The following LGR4 variants were observed in gnomAD, a reference collection of about 807,000 sequenced individuals.
LGR4 encodes leucine-rich repeat-containing G protein-coupled receptor 4.
LGR4 carries 44 observed loss-of-function variants against 84.8 expected under a neutral mutation model. The observed-to-expected ratio is 0.52, with a 90% CI of 0.41 to 0.67. The LOEUF (loss-of-function observed/expected upper bound fraction) is 0.67, where lower values mean the gene tolerates loss of function less well. Among genes scored for constraint, LGR4 ranks in the 30% least tolerant of loss-of-function variants. The probability of loss-of-function intolerance (pLI) is 0.00; values close to 1 mark genes in which losing one functional copy is unlikely to be tolerated. For missense variants in LGR4, 1,032 were observed against 1,131.4 expected, an observed-to-expected ratio of 0.91 and a Z score of 1.26; for synonymous variants, 429 against 434.3, an observed-to-expected ratio of 0.99 and a Z score of 0.15.
intron 1 of LGR4, among the ~76,000 whole-genome samples, chr11:27,438,192 T>G (rs976517585): frequency 6.6e-6 from 1 of 152,192 alleles, no homozygotes; most frequent in Non-Finnish European, 1.5e-5. Context: ...TTTCTCCCAA[T>G]ACAAACTGAT....
chr11:27,382,876 G>A (rs1375045979), intron 6 of LGR4, among the ~76,000 whole-genome samples: 1 of 152,124 alleles, frequency 6.6e-6, no homozygotes, highest in Non-Finnish European at 1.5e-5. Context: ...AATTAGCAGG[G>A]CATGGTGGCA....
chr11:27,472,113 C>A lies in LGR4; in HGVS notation c.185+5G>T. On this transcript the variant is annotated splice_donor_5th_base_variant and intron_variant, in intron 1 of 17. Transcript: ENST00000379214. ...CCCCCTCGCGTCCCCGCCGCCCGCA[C>A]TCACAGCGCTTGGGTGAAGGCGCTG... 3 of 1,287,246 alleles carry A rather than the reference C, an allele frequency of 2.3e-6. No individual in the cohort carries two copies. The highest frequency in any genetic ancestry group is 3.0e-6 in the Non-Finnish European group (3 of 1,013,888). The allele number at this position is 1,287,246 out of a possible 1,614,324, so 79.7% of individuals were successfully genotyped here. A position where few individuals can be genotyped will look rare whatever the true frequency, so the allele number is the denominator to read the frequency against.
chr11:27,434,455 T>C (rs1046867330), intron 1 of LGR4, among the ~76,000 whole-genome samples: 1 of 152,234 alleles, frequency 6.6e-6, no homozygotes, highest in African/African-American at 2.4e-5. Flanking sequence ...ACTCTGGCCT[T>C]ACATACCCAA....
intron 1 of LGR4, among the ~76,000 whole-genome samples, chr11:27,469,947 A>G (rs1864841958): frequency 6.6e-6 from 1 of 152,166 alleles, no homozygotes; most frequent in Non-Finnish European, 1.5e-5. Flanking sequence ...TCACTGAATG[A>G]GCTAGTTTCC....
intron 2 of LGR4, among the ~76,000 whole-genome samples, chr11:27,400,529 G>T (rs1194732589): frequency 2.7e-5 from 4 of 150,480 alleles, no homozygotes; most frequent in African/African-American, 7.3e-5. Flanking sequence ...TTGAGAAGGA[G>T]TCTCACTCTG....
intron 1 of LGR4, among the ~76,000 whole-genome samples, chr11:27,459,984 G>A (rs772296357): frequency 2.0e-5 from 3 of 152,032 alleles, no homozygotes; most frequent in Admixed American, 6.5e-5. Context: ...CCAGCTACTC[G>A]GGAGGCTGAA....
chr11:27,429,358 A>G, intron 1 of LGR4, among the ~76,000 whole-genome samples: 1 of 151,886 alleles, frequency 6.6e-6, no homozygotes, highest in East Asian at 1.9e-4. Flanking sequence ...GGTGGCAGGT[A>G]CCTGTAGTCC....
At chr11:27,429,856 G>A (rs1486203155) in intron 1 of LGR4, among the ~76,000 whole-genome samples, 1 of 152,126 alleles carries the variant, frequency 6.6e-6, no homozygotes, top group Non-Finnish European at 1.5e-5. Flanking sequence ...TGCCTGAGGT[G>A]GAATTGCCTG....
chr11:27,371,730 A>T (rs754350631), intron 16 of LGR4, 32 bp from the exon 17 acceptor site: 1 of 1,502,426 alleles, frequency 6.7e-7, no homozygotes, highest in East Asian at 2.3e-5. Context: ...TGTTTAATTA[A>T]AACCTTATGC....
chr11:27,368,802 C>G lies in LGR4; in HGVS notation c.1921G>C (p.Val641Leu). 1 of 1,614,118 alleles carries G rather than the reference C, an allele frequency of 6.2e-7. No homozygotes were observed. The highest frequency in any genetic ancestry group is 8.5e-7 in the Non-Finnish European group (1 of 1,180,016). The stretch of plus-strand genomic sequence containing the variant: ...TCTTTTGCAGATAAGCTTCTTTCGA[C>G]AGTTGCTAGCATTAATAAAAATATG... Reference protein sequence around the residue: ...SAIFLLMLATVERSLSAKDIM... With the variant: ...SAIFLLMLATLERSLSAKDIM... Residue 641 changes from valine to leucine, a missense_variant, in exon 18 of 18, where the codon GTC becomes CTC. Val to Leu is a conservative substitution (Grantham distance 32). Transcript: ENST00000379214.
chr11:27,415,411 T>G (rs553757195), intron 1 of LGR4, among the ~76,000 whole-genome samples: 29 of 152,098 alleles, frequency 1.9e-4, no homozygotes, highest in Middle Eastern at 3.4e-3. Flanking sequence ...TAGAGACAAT[T>G]TACACCACAC....
At chr11:27,455,942 G>A (rs560880092) in intron 1 of LGR4, among the ~76,000 whole-genome samples, 6 of 152,244 alleles carry the variant, frequency 3.9e-5, no homozygotes, top group Admixed American at 1.3e-4. Context: ...TAGATAACAC[G>A]TGTTACGCAC....
intron 1 of LGR4, among the ~76,000 whole-genome samples, chr11:27,443,346 A>G (rs1022809709): frequency 1.3e-5 from 2 of 152,306 alleles, no homozygotes; most frequent in South Asian, 2.1e-4. Flanking sequence ...CCTACCACTG[A>G]ACACCAGAGA....
chr11:27,412,856 T>C lies in LGR4; in HGVS notation c.190A>G (p.Ile64Val). ...AACTGAGTAATGTTGTTCATACTGA[T>C]ATCCCTGGAAAACGTAAAGTTAAGA... ...GLSAFTQALD[I>V]SMNNITQLPE... The change falls in exon 2 of 18, where the codon ATC becomes GTC. Residue 64 changes from isoleucine (I) to valine (V), a missense_variant. By Grantham distance (29) the Ile-to-Val change is conservative. Coordinates refer to ENST00000379214, the MANE Select transcript of LGR4 (RefSeq NM_018490.5). 4 of 1,594,590 alleles carry C rather than the reference T, an allele frequency of 2.5e-6. No individual in the cohort carries two copies. The highest frequency in any genetic ancestry group is 3.4e-6 in the Non-Finnish European group (4 of 1,162,962).
intron 1 of LGR4, among the ~76,000 whole-genome samples, chr11:27,416,101 C>A (rs1488100510): frequency 6.6e-6 from 1 of 152,130 alleles, no homozygotes; most frequent in Non-Finnish European, 1.5e-5. Flanking sequence ...GTTGTACAAT[C>A]TTACCAGTGG....
At chr11:27,425,959 T>A (rs1394519146) in intron 1 of LGR4, among the ~76,000 whole-genome samples, 1 of 152,214 alleles carries the variant, frequency 6.6e-6, no homozygotes, top group Non-Finnish European at 1.5e-5. Context: ...TGCTCACTAT[T>A]ATATGCCAAG....
Position 27,472,137 on chromosome 11 carries a change from T to C in LGR4, c.166A>G (p.Ser56Gly). ...KGLTAVPEGL[S>G]AFTQALDISM... ...ACTCACAGCGCTTGGGTGAAGGCGC[T>C]GAGCCCCTCGGGCACGGCCGTCAGC... The change falls in exon 1 of 18, where the codon AGC (serine) becomes GGC (glycine). Residue 56 changes from serine to glycine, a missense_variant. By Grantham distance (56) the Ser-to-Gly change is moderately conservative. Coordinates refer to ENST00000379214, the MANE Select transcript of LGR4 (RefSeq NM_018490.5). 8.3e-7 allele frequency: 1 copy of C among 1,212,070 alleles called. No homozygotes were observed. Among genetic ancestry groups the C allele is most frequent in the South Asian group, 1.6e-5 (1 of 64,022 alleles). 75.1% of individuals were successfully genotyped at this position (1,212,070 alleles called of 1,614,324 possible).
intron 1 of LGR4, among the ~76,000 whole-genome samples, chr11:27,464,238 C>A (rs1161799914): frequency 6.6e-6 from 1 of 152,208 alleles, no homozygotes; most frequent in Non-Finnish European, 1.5e-5. Flanking sequence ...GAGTGGCAAC[C>A]ATGAGTTTCC....
Position 27,472,650 on chromosome 11 carries a change from A to T in LGR4, c.-348T>A, listed in dbSNP as rs1205837080. The T allele has an allele frequency of 2.5e-5, 9 of 355,668 alleles. No homozygotes were observed. The East Asian group carries it at 3.7e-4, about 15-fold the overall frequency. The allele number at this position is 355,668 out of a possible 1,614,324, so 22.0% of individuals were successfully genotyped here. A position where few individuals can be genotyped will look rare whatever the true frequency, so the allele number is the denominator to read the frequency against. ...CAATGCAGCGGCTCTTCAAGGTTGC[A>T]GAGCGCAGCCTTCAGCCATGCCGGC... On this transcript the variant is annotated 5_prime_UTR_variant, in exon 1 of 18. Coordinates refer to ENST00000379214, the MANE Select transcript of LGR4 (RefSeq NM_018490.5).
Sources: gnomAD v4.1 joint callset for allele counts (sites outside exome capture counted in the v4.1 genomes callset) on GRCh38, gnomAD v4.1.1 for gene constraint, MANE v1.5 for transcripts, NCBI Gene and HGNC (gene_info 2026-07-23, HGNC 2026-07-21) for gene names.